The following ABI2 variants were observed in gnomAD, a reference collection of about 807,000 sequenced individuals.
ABI2 encodes the protein abl interactor 2, also known as abelson interactor 2.
Under a neutral mutation model 59.2 loss-of-function variants are expected in ABI2, and 25 were observed. That is an observed-to-expected ratio of 0.42 (90% CI 0.31 to 0.59). The LOEUF is 0.59. Among genes scored for constraint, ABI2 ranks in the 20% least tolerant of loss-of-function variants. The pLI, the probability that ABI2 is intolerant of heterozygous loss-of-function variation, is 0.14. For missense variants in ABI2, 545 were observed against 681.8 expected (o/e 0.80, Z 2.23); for synonymous variants, 213 against 235.5 (o/e 0.90, Z 0.87).
At chr2:203,414,844 A>G (rs958531550) in intron 10 of ABI2, among the ~76,000 whole-genome samples, 7 of 152,234 alleles carry the variant, frequency 4.6e-5, no homozygotes, top group African/African-American at 9.6e-5. Context: ...CTATAAAATG[A>G]AAAACACCAC....
rs2070009315 is a variant in ABI2, at chr2:203,328,507, A to G, written c.-8A>G. The G allele has an allele frequency of 4.4e-6, 7 of 1,597,624 alleles. No individual in the cohort carries two copies. Among genetic ancestry groups the G allele is most frequent in the Admixed American group, 3.4e-5 (2 of 58,584 alleles). On this transcript the variant is annotated 5_prime_UTR_variant, in exon 1 of 12. An upstream start codon of the reference 5' UTR is lost. Coordinates refer to ENST00000261018, the MANE Select transcript of ABI2 (RefSeq NM_001375670.1). ...CTGTATGAGGAGGAGGAGGAGGAGG[A>G]TGTGAAGATGGCGGAGCTGCAGATG...
intron 11 of ABI2, among the ~76,000 whole-genome samples, chr2:203,420,612 CT>C (rs2098155897): frequency 6.6e-6 from 1 of 152,094 alleles, no homozygotes; most frequent in South Asian, 2.1e-4. Context: ...CCAGGATGGT[CT>C]CAATCTCCTG....
intron 2 of ABI2, among the ~76,000 whole-genome samples, chr2:203,375,172 CTAAT>C (rs2095599285): frequency 6.6e-6 from 1 of 152,134 alleles, no homozygotes; most frequent in Non-Finnish European, 1.5e-5. Flanking sequence ...GATGGGGAAG[CTAAT>C]TAATAAGGAA....
At chr2:203,427,065 C>T in intron 11 of ABI2, 112 bp from the exon 12 acceptor site, 1 of 867,178 alleles carries the variant, frequency 1.2e-6, no homozygotes. Context: ...TAGAAAGTCA[C>T]CATGTTTGAG....
At chr2:203,352,250 A>G (rs1320214428) in intron 1 of ABI2, among the ~76,000 whole-genome samples, 1 of 152,218 alleles carries the variant, frequency 6.6e-6, no homozygotes, top group Non-Finnish European at 1.5e-5. Flanking sequence ...GCTTGAGTTC[A>G]GAAGTTCAAG....
At chr2:203,398,242 G>C (rs756869910) in intron 8 of ABI2, among the ~76,000 whole-genome samples, 1 of 152,084 alleles carries the variant, frequency 6.6e-6, no homozygotes, top group South Asian at 2.1e-4. Context: ...GGTGTTTTTT[G>C]ATCCAGATAC....
intron 4 of ABI2, among the ~76,000 whole-genome samples, chr2:203,389,392 A>G (rs2096655891): frequency 6.6e-6 from 1 of 152,226 alleles, no homozygotes; most frequent in African/African-American, 2.4e-5. Context: ...TCACTGGGCT[A>G]TTCATTTGAA....
chr2:203,427,023 G>GA lies in ABI2; in HGVS notation c.1454-145dup, dbSNP rs1241340255. On this transcript the variant is annotated intron_variant, in intron 11 of 11. Transcript: ENST00000261018. ...ATTGTATATGACTGGGTATTACTTA[G>GA]AAAAAAAAACATGTAAGTTTTGGTT... is the stretch of plus-strand genomic sequence containing the variant. 1.5e-4 allele frequency among the ~76,000 whole-genome samples: 22 copies of GA among 150,522 alleles called. 1 individual carries two copies. Among genetic ancestry groups the GA allele is most frequent in the South Asian group, 4.2e-4 (2 of 4,776 alleles).
chr2:203,330,593 T>TCA (rs2152271812), intron 1 of ABI2, among the ~76,000 whole-genome samples: 2 of 152,292 alleles, frequency 1.3e-5, no homozygotes, highest in East Asian at 3.9e-4. Flanking sequence ...GCAATGCTGT[T>TCA]CTGAGGGATT....
At chr2:203,397,799 G>A (rs183846208) in intron 8 of ABI2, among the ~76,000 whole-genome samples, 1 of 152,318 alleles carries the variant, frequency 6.6e-6, no homozygotes, top group Non-Finnish European at 1.5e-5. Context: ...CAGAGGGGAA[G>A]CACACTGGTC....
At chr2:203,383,117 A>G (rs1230767927) in intron 4 of ABI2, 1 of 154,752 alleles carries the variant, frequency 6.5e-6, no homozygotes, top group Non-Finnish European at 1.5e-5. Flanking sequence ...TCAAATATAT[A>G]TTCCTCCCAT....
Position 203,380,307 on chromosome 2 carries a change from A to G in ABI2, c.385A>G (p.Asn129Asp). ...SRTHKIIAPA[N>D]LERPVRYIRK... ...GACACATAAGATTATTGCTCCAGCCAACCTTGAACGACCAGTTCGTTATAT... is the reference window on the plus strand; with the variant it reads ...GACACATAAGATTATTGCTCCAGCCGACCTTGAACGACCAGTTCGTTATAT... Residue 129 changes from asparagine to aspartate, a missense_variant, in exon 3 of 12, where the codon AAC becomes GAC. Physicochemically the swap from Asn to Asp is conservative, Grantham distance 23 (BLOSUM62 1). Transcript: ENST00000261018. The G allele has an allele frequency of 6.2e-7, 1 of 1,609,676 alleles. No homozygotes were observed. Among genetic ancestry groups the G allele is most frequent in the Non-Finnish European group, 8.5e-7 (1 of 1,178,380 alleles).
chr2:203,430,278 TATTA>T lies in ABI2; in HGVS notation c.*2929_*2932del, dbSNP rs1452886957. ...GCAGAAAATCTTACATGCTGTGTAC[TATTA>T]ATATTATAACAGACGATCCAAGTCC... is the stretch of plus-strand genomic sequence containing the variant. On this transcript the variant is annotated 3_prime_UTR_variant, in exon 12 of 12. Transcript: ENST00000261018. 6.6e-6 allele frequency: 1 copy of T among 152,204 alleles called. No homozygotes were observed. Among genetic ancestry groups the T allele is most frequent in the African/African-American group, 2.4e-5 (1 of 41,456 alleles). The allele number at this position is 152,204 out of a possible 1,614,324, so 9.4% of individuals were successfully genotyped here. A position where few individuals can be genotyped will look rare whatever the true frequency, so the allele number is the denominator to read the frequency against.
intron 1 of ABI2, among the ~76,000 whole-genome samples, chr2:203,358,071 TTGTGTGTGTGTGTG>T (rs71007506): frequency 2.2e-4 from 28 of 128,852 alleles, no homozygotes; most frequent in East Asian, 1.9e-3. Flanking sequence ...CCTGGCCTGT[TTGTGTGTGTGTGTG>T]TGTGTGTGTG....
At chr2:203,392,263 GCAC>G (rs1456935221) in intron 5 of ABI2, among the ~76,000 whole-genome samples, 31 of 145,502 alleles carry the variant, frequency 2.1e-4, no homozygotes, top group Non-Finnish European at 3.3e-4. Flanking sequence ...GGCTTCCTCA[GCAC>G]CACCACCATC....
At chr2:203,389,118 A>C (rs1397570034) in intron 4 of ABI2, among the ~76,000 whole-genome samples, 1 of 152,194 alleles carries the variant, frequency 6.6e-6, no homozygotes, top group Admixed American at 6.5e-5. Context: ...TATTACTCCT[A>C]AAATTTTCCC....
chr2:203,399,322 T>G (rs944384323), intron 8 of ABI2, among the ~76,000 whole-genome samples: 1 of 152,212 alleles, frequency 6.6e-6, no homozygotes, highest in African/African-American at 2.4e-5. Context: ...TTTCATGTGC[T>G]TATTTGCCAT....
intron 1 of ABI2, among the ~76,000 whole-genome samples, chr2:203,358,105 GTGTGTGTGTT>G (rs747991596): frequency 7.2e-4 from 106 of 146,676 alleles, no homozygotes; most frequent in Admixed American, 1.5e-3. Flanking sequence ...GTGTGTGTGT[GTGTGTGTGTT>G]TGTTTGTTTG....
chr2:203,418,766 T>TA (rs2098033147), intron 11 of ABI2, among the ~76,000 whole-genome samples: 1 of 152,222 alleles, frequency 6.6e-6, no homozygotes, highest in Non-Finnish European at 1.5e-5. Flanking sequence ...GCATGAATAC[T>TA]ATGAGGCAGA....
Sources: allele counts gnomAD v4.1 joint callset (sites outside exome capture counted in the v4.1 genomes callset), GRCh38; gene constraint gnomAD v4.1.1; transcripts MANE v1.5; gene names NCBI Gene and HGNC (gene_info 2026-07-23, HGNC 2026-07-21).